The following ZP3 variants were observed in gnomAD, a reference collection of about 807,000 sequenced individuals.
ZP3 encodes the protein zona pellucida glycoprotein 3.
ZP3 carries 21 observed loss-of-function variants against 35.6 expected under a neutral mutation model. The ratio of observed to expected loss-of-function variants is 0.59; its 90% confidence interval spans 0.42 to 0.85. The LOEUF (loss-of-function observed/expected upper bound fraction) is 0.85, where lower values mean the gene tolerates loss of function less well. Among genes scored for constraint, ZP3 ranks in the 40% least tolerant of loss-of-function variants. The pLI is 0.00. For synonymous variants in ZP3, 207 were observed against 214.5 expected (o/e 0.96, Z 0.31); for missense variants, 437 against 536.5 (o/e 0.81, Z 1.83).
intron 5 of ZP3, among the ~76,000 whole-genome samples, chr7:76,435,113 G>T (rs1225091559): frequency 6.6e-6 from 1 of 152,002 alleles, no homozygotes; most frequent in Admixed American, 6.6e-5. Context: ...TTGGGAGGCT[G>T]AGGCGGGCAG....
chr7:76,429,364 C>T (rs1805762382), intron 1 of ZP3, 151 bp from the exon 2 acceptor site: 1 of 706,976 alleles, frequency 1.4e-6, no homozygotes, highest in African/African-American at 1.7e-5. Context: ...TCCCAAAGTG[C>T]TGGGGTTACA....
At chr7:76,436,029 C>CGTTT (rs1563703130) in intron 5 of ZP3, among the ~76,000 whole-genome samples, 1 of 128,100 alleles carries the variant, frequency 7.8e-6, no homozygotes. Context: ...CCCCCCGCCC[C>CGTTT]CTTTTTTTTT....
intron 1 of ZP3, among the ~76,000 whole-genome samples, chr7:76,408,313 C>T (rs1445124422): frequency 6.6e-6 from 1 of 152,134 alleles, no homozygotes. Context: ...GGACAGCCCC[C>T]AGTGGAATAA....
rs2906998 is a variant in ZP3 at position 76,440,564 on chromosome 7, A to C, written c.1013A>C (p.His338Pro). 17 of 1,591,758 alleles carry C rather than the reference A, an allele frequency of 1.1e-5. No homozygotes were observed. Among genetic ancestry groups the C allele is most frequent in the Non-Finnish European group, 1.4e-5 (16 of 1,170,158 alleles). ...CCAAGCCATTCCAGGAGGCAGCCTC[A>C]TGTCATGAGCCAGTGGTCCAGGTCT... is the stretch of plus-strand genomic sequence containing the variant. ...GTPSHSRRQP[H>P]VMSQWSRSAS... Residue 338 changes from histidine (H) to proline (P), a missense_variant, in exon 7 of 8, where the codon CAT (histidine) becomes CCT (proline). His to Pro is a moderately conservative substitution (Grantham distance 77, BLOSUM62 -2). Coordinates refer to ENST00000394857, the MANE Select transcript of ZP3 (RefSeq NM_001110354.2).
At chr7:76,413,892 CTT>C in intron 1 of ZP3, among the ~76,000 whole-genome samples, 1 of 152,230 alleles carries the variant, frequency 6.6e-6, no homozygotes, top group Non-Finnish European at 1.5e-5. Flanking sequence ...GCTTCAAACT[CTT>C]GGGCTGAAGC....
At chr7:76,425,381 C>A in intron 1 of ZP3, 105 bp downstream of exon 1, 1 of 1,276,428 alleles carries the variant, frequency 7.8e-7, no homozygotes, top group Non-Finnish European at 1.1e-6. Flanking sequence ...GTGGATCCCT[C>A]TCACTTGTAG....
chr7:76,422,204 T>C (rs1221230765), upstream of ZP3, among the ~76,000 whole-genome samples: 1 of 151,620 alleles, frequency 6.6e-6, no homozygotes, highest in African/African-American at 2.4e-5. Flanking sequence ...GCCAATACTA[T>C]TCCTTTCATG....
Position 76,431,898 on chromosome 7 carries a change from CAAAA to C in ZP3, c.432-1016_432-1013del, listed in dbSNP as rs67914265. Among the ~76,000 whole-genome samples the C allele has an allele frequency of 2.8e-3, 409 of 144,276 alleles. 4 individuals carry two copies. The highest frequency in any genetic ancestry group is 7.5e-3 in the African/African-American group (294 of 39,454). 94.7% of individuals were successfully genotyped at this position (144,276 alleles called of 152,430 possible). A position where few individuals can be genotyped will look rare whatever the true frequency, so the allele number is the denominator to read the frequency against. On this transcript the variant is annotated intron_variant, in intron 2 of 7. Coordinates refer to ENST00000394857, the MANE Select transcript of ZP3 (RefSeq NM_001110354.2). ...TGGGAGACAAAGTGAGACTCCGTCTCAAAAAAAAAAAAAAAAGATGGCCTTAGCT... is the reference window on the plus strand; with the variant it reads ...TGGGAGACAAAGTGAGACTCCGTCTCAAAAAAAAAAAAGATGGCCTTAGCT...
chr7:76,400,403 T>G lies in ZP3; in HGVS notation c.-67+2606T>G, dbSNP rs774191435. The G allele has an allele frequency of 1.9e-6, 3 of 1,601,476 alleles. No homozygotes were observed. The African/African-American group carries it at 4.0e-5, about 21-fold the overall frequency. ...CGGCACTCCACGTTGTCCAGCAGGA[T>G]GGGGCCTCGGCCTTGGCCAAAGGCA... On this transcript the variant is annotated intron_variant, in intron 1 of 8. Coordinates refer to the ZP3 transcript ENST00000336517.
chr7:76,426,445 G>T (rs912287168), intron 1 of ZP3, among the ~76,000 whole-genome samples: 3 of 152,210 alleles, frequency 2.0e-5, no homozygotes, highest in Non-Finnish European at 2.9e-5. Context: ...GCTTGCCTGG[G>T]ATGGGGGCAA....
chr7:76,436,743 G>A (rs1372197638), intron 5 of ZP3, among the ~76,000 whole-genome samples: 1 of 152,158 alleles, frequency 6.6e-6, no homozygotes, highest in African/African-American at 2.4e-5. Flanking sequence ...AGCTCCTTAG[G>A]GGAGAGGATC....
At chr7:76,435,099 C>T (rs1220250281) in intron 5 of ZP3, among the ~76,000 whole-genome samples, 2 of 152,176 alleles carry the variant, frequency 1.3e-5, no homozygotes, top group East Asian at 3.9e-4. Context: ...ATAATCCCAG[C>T]ACTTTGGGAG....
chr7:76,435,791 C>A (rs563521484), intron 5 of ZP3, among the ~76,000 whole-genome samples: 152 of 150,150 alleles, frequency 1.0e-3, no homozygotes, highest in African/African-American at 3.5e-3. Flanking sequence ...TGCAATGGTG[C>A]GGTCTTGGCT....
At chr7:76,400,137 G>A (rs924444110) in intron 1 of ZP3, 36 of 883,862 alleles carry the variant, frequency 4.1e-5, no homozygotes, top group Middle Eastern at 2.8e-4. Context: ...ACCCAGGCTG[G>A]GGTTCTTCCC....
intron 1 of ZP3, among the ~76,000 whole-genome samples, chr7:76,410,910 G>A (rs182336958): frequency 4.0e-5 from 6 of 149,594 alleles, no homozygotes; most frequent in South Asian, 2.1e-4. Flanking sequence ...TGGGAGAATC[G>A]CCTGAACCCG....
chr7:76,426,971 C>T (rs1460547041), intron 1 of ZP3, among the ~76,000 whole-genome samples: 3 of 151,168 alleles, frequency 2.0e-5, no homozygotes, highest in Non-Finnish European at 4.4e-5. Flanking sequence ...GGGAGGATTG[C>T]TTAAACCCAT....
chr7:76,429,515 G>A lies in ZP3; in HGVS notation c.313G>A (p.Val105Ile), dbSNP rs1805767426. The A allele has an allele frequency of 1.9e-6, 3 of 1,613,918 alleles. No individual in the cohort carries two copies. The highest frequency in any genetic ancestry group is 2.5e-6 in the Non-Finnish European group (3 of 1,179,862). ...GLHECGNSMQ[V>I]TDDALVYSTF... ...CATTAACTTCTCACCTTTCCTCCAG[G>A]TAACTGACGATGCCCTGGTGTACAG... The change falls in exon 2 of 8, where the codon GTA becomes ATA. Residue 105 changes from valine (V) to isoleucine (I), a missense_variant and splice_region_variant. Val to Ile is a conservative substitution (Grantham distance 29). Coordinates refer to ENST00000394857, the MANE Select transcript of ZP3 (RefSeq NM_001110354.2).
At chr7:76,436,122 G>A (rs931368469) in intron 5 of ZP3, among the ~76,000 whole-genome samples, 3 of 118,988 alleles carry the variant, frequency 2.5e-5, no homozygotes, top group East Asian at 3.0e-4. Flanking sequence ...CCCAATCTTA[G>A]GTCACTGCAA....
In ZP3 at chr7:76,425,104, A is replaced by G. The variant is rs768063875; in HGVS notation, c.140A>G (p.Gln47Arg). Reference sequence around the variant, plus strand: ...GTACAGCCCGTACTGGTGGAGTGTCAGGAGGCCACTCTGATGGTCATGGTC... The same window carrying G: ...GTACAGCCCGTACTGGTGGAGTGTCGGGAGGCCACTCTGATGGTCATGGTC... ...TSVQPVLVECQEATLMVMVSK... is the reference protein window; with the variant it reads ...TSVQPVLVECREATLMVMVSK... Residue 47 changes from glutamine to arginine, a missense_variant, in exon 1 of 8, where the codon CAG becomes CGG. By Grantham distance (43) the Gln-to-Arg change is conservative. Transcript: ENST00000394857. The G allele has an allele frequency of 1.3e-5, 21 of 1,613,796 alleles. No individual in the cohort carries two copies. In the African/African-American group the frequency reaches 1.9e-4, roughly 14 times the overall value.
Sources: gnomAD v4.1 joint callset for allele counts (sites outside exome capture counted in the v4.1 genomes callset) on GRCh38, gnomAD v4.1.1 for gene constraint, MANE v1.5 for transcripts, NCBI Gene and HGNC (gene_info 2026-07-23, HGNC 2026-07-21) for gene names.